Variants in TRDN observed in about 807,000 individuals in gnomAD.
TRDN encodes the protein triadin in skeletal muscle.
In TRDN, 161 loss-of-function variants were observed where a neutral mutation model predicts 149.7. The observed-to-expected ratio is 1.08, with a 90% CI of 0.95 to 1.23. TRDN has a LOEUF of 1.23. Ranked by LOEUF, TRDN falls within the 50% of genes most tolerant of loss-of-function variation. The pLI is 0.00. For synonymous variants in TRDN, 294 were observed against 250.5 expected (o/e 1.17, Z -1.64); for missense variants, 896 against 823.5 (o/e 1.09, Z -1.08).
chr6:123,255,785 C>A, intron 36 of TRDN, 82 bp downstream of exon 36: 1 of 975,840 alleles, frequency 1.0e-6, no homozygotes, highest in South Asian at 2.2e-5. Context: ...AGTTTTTTTT[C>A]ATATGATATA....
chr6:123,222,107 T>G (rs1024105162), intron 39 of TRDN, among the ~76,000 whole-genome samples: 6 of 151,720 alleles, frequency 4.0e-5, no homozygotes, highest in African/African-American at 1.4e-4. Context: ...ATCCCTTTCT[T>G]CCGATTAGAA....
At chr6:123,468,475 T>C (rs997395730) in intron 9 of TRDN, among the ~76,000 whole-genome samples, 8 of 152,304 alleles carry the variant, frequency 5.3e-5, no homozygotes, top group East Asian at 1.9e-4. Context: ...TCCATACAAG[T>C]CAATTTGGTT....
chr6:123,305,651 T>C (rs1420100510), intron 24 of TRDN, among the ~76,000 whole-genome samples: 1 of 152,136 alleles, frequency 6.6e-6, no homozygotes. Flanking sequence ...GAAACAACTT[T>C]CCTTGAGATG....
chr6:123,279,052 A>T lies in TRDN; in HGVS notation c.1537+4T>A. The T allele has an allele frequency of 6.2e-7, 1 of 1,609,092 alleles. No homozygotes were observed. The highest frequency in any genetic ancestry group is 8.5e-7 in the Non-Finnish European group (1 of 1,177,780). On this transcript the variant is annotated splice_donor_region_variant and intron_variant, in intron 25 of 40. Transcript: ENST00000334268. ...TTTGTTTATTGAGCATGCATATAAC[A>T]TACGTGGAGGTTTAGGCTTGACTTC...
At chr6:123,416,150 T>G (rs1355362856) in intron 12 of TRDN, among the ~76,000 whole-genome samples, 1 of 152,190 alleles carries the variant, frequency 6.6e-6, no homozygotes, top group Non-Finnish European at 1.5e-5. Context: ...TAAACAAATT[T>G]TCCAGCCAAC....
At chr6:123,238,827 A>G (rs910070432) in intron 38 of TRDN, among the ~76,000 whole-genome samples, 2 of 152,004 alleles carry the variant, frequency 1.3e-5, no homozygotes, top group Non-Finnish European at 2.9e-5. Flanking sequence ...ATACTGCATA[A>G]TACTCTTTTT....
At chr6:123,281,338 G>A (rs990285986) in intron 24 of TRDN, among the ~76,000 whole-genome samples, 1 of 152,000 alleles carries the variant, frequency 6.6e-6, no homozygotes, top group South Asian at 2.1e-4. Context: ...TACCCTAAAT[G>A]TGTGATGGCT....
chr6:123,323,300 A>T (rs914946475), intron 23 of TRDN, among the ~76,000 whole-genome samples: 1 of 152,248 alleles, frequency 6.6e-6, no homozygotes, highest in South Asian at 2.1e-4. Flanking sequence ...GAGTGGCTAC[A>T]CGAACTAATT....
chr6:123,300,432 T>C (rs2114667918), intron 24 of TRDN, among the ~76,000 whole-genome samples: 1 of 152,036 alleles, frequency 6.6e-6, no homozygotes, highest in East Asian at 1.9e-4. Flanking sequence ...GTAATTTTAA[T>C]GAAGTTATCA....
chr6:123,576,700 A>G (rs1470429918), intron 1 of TRDN, among the ~76,000 whole-genome samples: 1 of 151,988 alleles, frequency 6.6e-6, no homozygotes, highest in Non-Finnish European at 1.5e-5. Context: ...TTCAATGTGT[A>G]TTTTGGAGAG....
chr6:123,350,975 T>C (rs1780440117), intron 21 of TRDN: 1 of 984,900 alleles, frequency 1.0e-6, no homozygotes. Flanking sequence ...CTGACACCAA[T>C]GTGATGATCA....
intron 21 of TRDN, among the ~76,000 whole-genome samples, chr6:123,337,902 C>T (rs1779933051): frequency 6.6e-6 from 1 of 151,642 alleles, no homozygotes; most frequent in Non-Finnish European, 1.5e-5. Flanking sequence ...GCCATATATA[C>T]AAAAAAAGGT....
chr6:123,453,929 A>G (rs1291088807), intron 10 of TRDN, among the ~76,000 whole-genome samples: 1 of 151,418 alleles, frequency 6.6e-6, no homozygotes, highest in Non-Finnish European at 1.5e-5. Context: ...ATATATATAC[A>G]TGATGGAATA....
intron 23 of TRDN, among the ~76,000 whole-genome samples, chr6:123,320,568 T>C (rs543795169): frequency 1.4e-4 from 21 of 152,046 alleles, no homozygotes; most frequent in African/African-American, 4.8e-4. Context: ...TGTTTAAATA[T>C]ATACTCCCTA....
intron 9 of TRDN, among the ~76,000 whole-genome samples, chr6:123,480,515 A>G (rs1489165420): frequency 2.0e-5 from 3 of 152,122 alleles, no homozygotes; most frequent in Non-Finnish European, 2.9e-5. Context: ...ATATGGGTAC[A>G]TTGAATACGT....
chr6:123,458,841 A>C (rs1406123272), intron 10 of TRDN, among the ~76,000 whole-genome samples: 1 of 151,332 alleles, frequency 6.6e-6, no homozygotes, highest in Non-Finnish European at 1.5e-5. Flanking sequence ...GTATTATCAG[A>C]AATAGAAATA....
chr6:123,366,055 A>T, intron 20 of TRDN, 80 bp downstream of exon 20: 1 of 1,308,286 alleles, frequency 7.6e-7, no homozygotes, highest in Non-Finnish European at 1.1e-6. Context: ...CTCTTTTCTA[A>T]GCACAAAACA....
chr6:123,552,829 A>C (rs771159302), intron 2 of TRDN, among the ~76,000 whole-genome samples: 1 of 152,110 alleles, frequency 6.6e-6, no homozygotes, highest in Non-Finnish European at 1.5e-5. Context: ...AACTTTTGCC[A>C]TGTCTATAAA....
At chr6:123,222,331 A>C (rs1775180134) in intron 39 of TRDN, among the ~76,000 whole-genome samples, 1 of 151,704 alleles carries the variant, frequency 6.6e-6, no homozygotes, top group Admixed American at 6.6e-5. Context: ...CACTAGTTTC[A>C]GCATCAATTG....
Sources: gnomAD v4.1 joint callset for allele counts (sites outside exome capture counted in the v4.1 genomes callset) on GRCh38, gnomAD v4.1.1 for gene constraint, MANE v1.5 for transcripts, NCBI Gene and HGNC (gene_info 2026-07-23, HGNC 2026-07-21) for gene names.